Variants in GPR176 observed in about 807,000 individuals in gnomAD.
The protein encoded by GPR176 is G-protein coupled receptor 176.
A neutral mutation model predicts 35.4 loss-of-function variants in GPR176; 26 were observed. The observed-to-expected ratio is 0.74, with a 90% CI of 0.54 to 1.02. The LOEUF (loss-of-function observed/expected upper bound fraction) is 1.02. GPR176 is among the 50% of genes least tolerant of loss of function. The pLI, the probability that GPR176 is intolerant of heterozygous loss-of-function variation, is 0.00. For missense variants in GPR176, 597 were observed against 665.3 expected (o/e 0.90, Z 1.13); for synonymous variants, 278 against 271.3 (o/e 1.02, Z -0.24).
intron 1 of GPR176, among the ~76,000 whole-genome samples, chr15:39,861,376 C>T (rs1322320897): frequency 6.6e-6 from 1 of 151,934 alleles, no homozygotes; most frequent in African/African-American, 2.4e-5. Flanking sequence ...ATGGTGAAAC[C>T]CTGTCTCCAC....
chr15:39,845,778 T>A (rs1595473950), intron 1 of GPR176, among the ~76,000 whole-genome samples: 1 of 152,156 alleles, frequency 6.6e-6, no homozygotes, highest in South Asian at 2.1e-4. Flanking sequence ...GAGCTTGGTG[T>A]TCTAGAAACA....
chr15:39,877,362 T>C (rs1435865363), intron 1 of GPR176, among the ~76,000 whole-genome samples: 1 of 152,182 alleles, frequency 6.6e-6, no homozygotes, highest in East Asian at 1.9e-4. Flanking sequence ...TTTATAGTCA[T>C]ATTCACCCCA....
At chr15:39,813,533 C>G (rs138550856) in intron 1 of GPR176, 8 of 152,312 alleles carry the variant, frequency 5.3e-5, no homozygotes, top group Admixed American at 5.2e-4. Flanking sequence ...CTGACTCTTA[C>G]CTTTGCTTCT....
Position 39,821,071 on chromosome 15 carries a change from GC to G in GPR176, c.173-13814del, listed in dbSNP as rs540370460. The stretch of plus-strand genomic sequence containing the variant: ...AGTGACACAGATACGCAGAGAATTC[GC>G]CTAACATTTTAGCATTTCATGAATA... On this transcript the variant is annotated intron_variant, in intron 1 of 2. Transcript: ENST00000561100. Among the ~76,000 whole-genome samples, 412 of 152,222 alleles carry G rather than the reference GC, an allele frequency of 2.7e-3. 3 individuals are homozygous for G. Among genetic ancestry groups the G allele is most frequent in the African/African-American group, 9.5e-3 (395 of 41,528 alleles).
chr15:39,821,438 T>G (rs1413887735), intron 1 of GPR176, among the ~76,000 whole-genome samples: 1 of 152,258 alleles, frequency 6.6e-6, no homozygotes, highest in African/African-American at 2.4e-5. Flanking sequence ...AGCCACAGTT[T>G]CCATTAGTCT....
At chr15:39,808,416 C>T (rs1454458071) in intron 1 of GPR176, among the ~76,000 whole-genome samples, 1 of 152,144 alleles carries the variant, frequency 6.6e-6, no homozygotes, top group Non-Finnish European at 1.5e-5. Context: ...CCTTTGTATA[C>T]ATTTTCTTAT....
intron 1 of GPR176, among the ~76,000 whole-genome samples, chr15:39,836,629 T>C (rs1901416050): frequency 6.6e-6 from 1 of 152,156 alleles, no homozygotes; most frequent in South Asian, 2.1e-4. Flanking sequence ...AGGCAGACTC[T>C]TCAGAAGGCA....
At chr15:39,880,778 C>G (rs2032443992) in intron 1 of GPR176, among the ~76,000 whole-genome samples, 2 of 152,142 alleles carry the variant, frequency 1.3e-5, no homozygotes, top group Admixed American at 6.6e-5. Context: ...AATGTTATCT[C>G]CTTTACTTCT....
intron 1 of GPR176, among the ~76,000 whole-genome samples, chr15:39,914,129 C>G (rs1333736858): frequency 6.6e-6 from 1 of 152,068 alleles, no homozygotes; most frequent in East Asian, 1.9e-4. Context: ...TGAATTTTAT[C>G]TCAATAAAGC....
At chr15:39,877,030 C>T (rs911462077) in intron 1 of GPR176, among the ~76,000 whole-genome samples, 1 of 152,136 alleles carries the variant, frequency 6.6e-6, no homozygotes, top group Non-Finnish European at 1.5e-5. Context: ...GCTTGGCTGC[C>T]TAATTTGTTC....
At position 39,856,786 on chromosome 15, in the gene GPR176, C is replaced by A. The variant is rs144612095; in HGVS notation, c.173-49528G>T. Among the ~76,000 whole-genome samples the A allele has an allele frequency of 7.2e-5, 11 of 152,252 alleles. No homozygotes were observed. In the South Asian group the frequency reaches 2.3e-3, roughly 32 times the overall value. On this transcript the variant is annotated intron_variant, in intron 1 of 2. Transcript: ENST00000561100. Reference sequence around the variant, plus strand: ...ATGGGATGAATACATTGGAGATGGGCGGATTGGAAGCCATCTTGGAGACTG... The same window carrying A: ...ATGGGATGAATACATTGGAGATGGGAGGATTGGAAGCCATCTTGGAGACTG...
chr15:39,865,801 CA>C (rs2031805185), intron 1 of GPR176, among the ~76,000 whole-genome samples: 2 of 152,216 alleles, frequency 1.3e-5, no homozygotes, highest in East Asian at 3.9e-4. Context: ...CAACATCTAA[CA>C]AAATTTCATA....
chr15:39,855,392 C>G (rs1387021094), intron 1 of GPR176, among the ~76,000 whole-genome samples: 1 of 152,150 alleles, frequency 6.6e-6, no homozygotes, highest in Non-Finnish European at 1.5e-5. Context: ...TCCTATTTCT[C>G]GTCAATTCAC....
chr15:39,896,522 CTTA>C (rs568250094), intron 1 of GPR176, among the ~76,000 whole-genome samples: 166 of 152,214 alleles, frequency 1.1e-3, no homozygotes, highest in Middle Eastern at 6.8e-3. Context: ...AGCATTTTAT[CTTA>C]TTATTACGTG....
intron 1 of GPR176, among the ~76,000 whole-genome samples, chr15:39,824,746 G>A (rs1293223826): frequency 1.3e-5 from 2 of 152,226 alleles, no homozygotes; most frequent in Non-Finnish European, 2.9e-5. Context: ...TACTAGTTAT[G>A]TAGGATCCTA....
At chr15:39,818,763 G>A (rs59234879) in intron 1 of GPR176, among the ~76,000 whole-genome samples, 4,472 of 152,244 alleles carry the variant, frequency 0.029, 156 homozygotes, top group African/African-American at 0.074. Flanking sequence ...AGTCATTCAC[G>A]TCTCTCAACA....
At position 39,916,974 on chromosome 15, in the gene GPR176, C is replaced by G. The variant is rs1403407176; in HGVS notation, c.172+2881G>C. On this transcript the variant is annotated intron_variant, in intron 1 of 2. Coordinates refer to ENST00000561100, the MANE Select transcript of GPR176 (RefSeq NM_007223.3). ...TTGAATGGGACAAGTCCTTAGAAAA[C>G]AATGAATCAAGAATACCAGTACGTA... Among the ~76,000 whole-genome samples the G allele has an allele frequency of 1.4e-4, 22 of 152,184 alleles. No individual in the cohort carries two copies. In the South Asian group the frequency reaches 4.6e-3, roughly 32 times the overall value.
chr15:39,872,417 C>A (rs1205805535), intron 1 of GPR176, among the ~76,000 whole-genome samples: 1 of 152,088 alleles, frequency 6.6e-6, no homozygotes, highest in Admixed American at 6.5e-5. Context: ...TGAGGCTGGA[C>A]ACAATAGGAC....
chr15:39,867,724 T>C (rs1165229659), intron 1 of GPR176, among the ~76,000 whole-genome samples: 1 of 151,960 alleles, frequency 6.6e-6, no homozygotes, highest in Admixed American at 6.6e-5. Flanking sequence ...TGGAGGCATA[T>C]TTATGAGGTC....
Sources: gnomAD v4.1 joint callset for allele counts (sites outside exome capture counted in the v4.1 genomes callset) on GRCh38, gnomAD v4.1.1 for gene constraint, MANE v1.5 for transcripts, NCBI Gene and HGNC (gene_info 2026-07-23, HGNC 2026-07-21) for gene names.